ACSL1: variants seen among roughly 807,000 people sequenced by gnomAD.
ACSL1 encodes long-chain-fatty-acid--CoA ligase 1.
A neutral mutation model predicts 98.4 loss-of-function variants in ACSL1; 41 were observed. That is an observed-to-expected ratio of 0.42 (90% CI 0.32 to 0.54). ACSL1 has a LOEUF of 0.54. Among genes scored for constraint, ACSL1 ranks in the 20% least tolerant of loss-of-function variants. The probability of loss-of-function intolerance (pLI) is 0.13; values close to 1 mark genes in which losing one functional copy is unlikely to be tolerated. For missense variants in ACSL1, 734 were observed against 883.1 expected, an observed-to-expected ratio of 0.83 and a Z score of 2.14; for synonymous variants, 316 against 322.7, an observed-to-expected ratio of 0.98 and a Z score of 0.22.
chr4:184,820,126 G>A (rs1461823947), intron 1 of ACSL1, among the ~76,000 whole-genome samples: 1 of 152,174 alleles, frequency 6.6e-6, no homozygotes, highest in African/African-American at 2.4e-5. Context: ...ACCCCCCTCC[G>A]ATCCCTGCAG....
intron 14 of ACSL1, among the ~76,000 whole-genome samples, 166 bp from the exon 15 acceptor site, chr4:184,765,091 C>T (rs190785639): frequency 3.3e-5 from 5 of 152,290 alleles, no homozygotes; most frequent in Admixed American, 6.5e-5. Flanking sequence ...GTGTGCTTTA[C>T]GCCAACACCA....
chr4:184,816,471 T>C (rs10009339), intron 1 of ACSL1, among the ~76,000 whole-genome samples: 9,205 of 152,102 alleles, frequency 0.061, 953 homozygotes, highest in African/African-American at 0.21. Flanking sequence ...TATAGAATAA[T>C]GACCAGTGTT....
intron 18 of ACSL1, chr4:184,758,716 CTCTTA>C (rs1338548880): frequency 1.3e-5 from 2 of 152,096 alleles, no homozygotes; most frequent in East Asian, 3.9e-4. Context: ...TAAGTGCATT[CTCTTA>C]TAAGAAAATA....
chr4:184,768,872 C>A (rs775903420), intron 11 of ACSL1, among the ~76,000 whole-genome samples: 1 of 152,036 alleles, frequency 6.6e-6, no homozygotes, highest in Admixed American at 6.6e-5. Context: ...GAGTTCCAGT[C>A]GAGCCTGGCC....
intron 1 of ACSL1, chr4:184,821,190 C>T (rs1486664509): frequency 2.3e-6 from 1 of 444,112 alleles, no homozygotes; most frequent in Non-Finnish European, 4.6e-6. Flanking sequence ...GTGGCTACCA[C>T]CTCGGTCAGC....
At chr4:184,792,288 C>T (rs187915956) in intron 2 of ACSL1, among the ~76,000 whole-genome samples, 7 of 152,068 alleles carry the variant, frequency 4.6e-5, no homozygotes, top group South Asian at 4.1e-4. Flanking sequence ...CTCGATGATA[C>T]GGGATAAAAG....
intron 1 of ACSL1, chr4:184,805,910 A>G (rs1771355889): frequency 6.6e-6 from 1 of 152,196 alleles, no homozygotes; most frequent in Non-Finnish European, 1.5e-5. Flanking sequence ...ACGGGCATAT[A>G]TTTTTTAAAC....
intron 1 of ACSL1, among the ~76,000 whole-genome samples, chr4:184,812,552 G>T (rs190024512): frequency 6.6e-6 from 1 of 151,984 alleles, no homozygotes; most frequent in Non-Finnish European, 1.5e-5. Flanking sequence ...GATGTAAAGG[G>T]GACATAAAAA....
At position 184,772,960 on chromosome 4, in the gene ACSL1, T is replaced by C. The variant is rs908325098; in HGVS notation, c.915+121A>G. On this transcript the variant is annotated intron_variant, in intron 10 of 20. Coordinates refer to ENST00000281455, the MANE Select transcript of ACSL1 (RefSeq NM_001995.5). ...GGGCCTAAAGTTCTGACCTTACCCA[T>C]ATGTCACATCGTTTCTAAATGCCAC... 10 of 870,980 alleles carry C rather than the reference T, an allele frequency of 1.1e-5. No individual in the cohort carries two copies. The African/African-American group carries it at 1.2e-4, about 10-fold the overall frequency. The allele number at this position is 870,980 out of a possible 1,614,324, so 54.0% of individuals were successfully genotyped here. A position where few individuals can be genotyped will look rare whatever the true frequency, so the allele number is the denominator to read the frequency against.
chr4:184,780,905 T>C (rs989891020), intron 4 of ACSL1, among the ~76,000 whole-genome samples: 1 of 152,134 alleles, frequency 6.6e-6, no homozygotes, highest in African/African-American at 2.4e-5. Flanking sequence ...TGAGAACGTA[T>C]TCTTAGGAAA....
intron 15 of ACSL1, 22 bp downstream of exon 15, chr4:184,764,831 A>G: frequency 6.3e-7 from 1 of 1,599,388 alleles, no homozygotes; most frequent in Non-Finnish European, 8.5e-7. Flanking sequence ...AAATTCCAAA[A>G]AGGAGCCTCC....
intron 10 of ACSL1, among the ~76,000 whole-genome samples, chr4:184,771,678 G>A (rs142616514): frequency 3.9e-5 from 6 of 152,354 alleles, no homozygotes; most frequent in Non-Finnish European, 7.3e-5. Context: ...GGGTGTGCAA[G>A]AGCAGCTGCT....
At chr4:184,760,826 G>A (rs961044306) in intron 17 of ACSL1, among the ~76,000 whole-genome samples, 6 of 152,188 alleles carry the variant, frequency 3.9e-5, no homozygotes, top group African/African-American at 1.2e-4. Flanking sequence ...GTCTGAATTA[G>A]GCGCATACAC....
intron 2 of ACSL1, among the ~76,000 whole-genome samples, chr4:184,789,350 C>T (rs571670088): frequency 6.6e-6 from 1 of 152,346 alleles, no homozygotes; most frequent in East Asian, 1.9e-4. Flanking sequence ...CTGCCATCCA[C>T]AGCACAGAGG....
At chr4:184,787,363 G>A (rs1364170348) in intron 3 of ACSL1, among the ~76,000 whole-genome samples, 1 of 152,198 alleles carries the variant, frequency 6.6e-6, no homozygotes, top group Non-Finnish European at 1.5e-5. Flanking sequence ...AATGCCAGGT[G>A]AACACCTCTG....
chr4:184,821,132 T>A, intron 1 of ACSL1: 1 of 456,312 alleles, frequency 2.2e-6, no homozygotes, highest in Non-Finnish European at 4.4e-6. Flanking sequence ...TGGCTCTGTC[T>A]GCTGCTCTCA....
rs1041724934 is a variant in ACSL1, at chr4:184,762,429, C to T, written c.1616G>A (p.Gly539Glu). Residue 539 changes from glycine (G) to glutamate (E), a missense_variant, in exon 17 of 21, where the codon GGG (glycine) becomes GAG (glutamate). Coordinates refer to ENST00000281455, the MANE Select transcript of ACSL1 (RefSeq NM_001995.5). ...ALDKDGWLHTGDIGKWLPNGT... is the reference protein window; with the variant it reads ...ALDKDGWLHTEDIGKWLPNGT... ...TACTGGTAACCATTTTCCAATGTCC[C>T]CTGTGTGTAACCAGCCGTCTTTGTC... The T allele has an allele frequency of 9.9e-6, 16 of 1,614,076 alleles. No homozygotes were observed. The highest frequency in any genetic ancestry group is 1.3e-5 in the African/African-American group (1 of 74,934).
At chr4:184,810,882 T>C (rs1771995051) in intron 1 of ACSL1, among the ~76,000 whole-genome samples, 1 of 152,168 alleles carries the variant, frequency 6.6e-6, no homozygotes, top group Admixed American at 6.5e-5. Context: ...TCACAGTCCT[T>C]ACTGCACGGG....
At chr4:184,770,995 A>G (rs1764430563) in intron 10 of ACSL1, among the ~76,000 whole-genome samples, 1 of 152,164 alleles carries the variant, frequency 6.6e-6, no homozygotes, top group African/African-American at 2.4e-5. Flanking sequence ...ATGGTGGCAC[A>G]TGCCTGTAAT....
Sources: allele counts gnomAD v4.1 joint callset (sites outside exome capture counted in the v4.1 genomes callset), GRCh38; gene constraint gnomAD v4.1.1; transcripts MANE v1.5; gene names NCBI Gene and HGNC (gene_info 2026-07-23, HGNC 2026-07-21).